The following QSOX2 variants were observed in gnomAD, a reference collection of about 807,000 sequenced individuals.
QSOX2 encodes sulfhydryl oxidase 2.
QSOX2 carries 46 observed loss-of-function variants against 61.7 expected under a neutral mutation model. That is an observed-to-expected ratio of 0.75 (90% CI 0.59 to 0.95). The LOEUF (loss-of-function observed/expected upper bound fraction) is 0.95, where lower values mean the gene tolerates loss of function less well. Ranked by LOEUF, QSOX2 falls within the 40% of genes least tolerant of loss-of-function variation. The pLI, the probability that QSOX2 is intolerant of heterozygous loss-of-function variation, is 0.00. For missense variants in QSOX2, 879 were observed against 918.9 expected (o/e 0.96, Z 0.56); for synonymous variants, 383 against 388.4 (o/e 0.99, Z 0.16).
chr9:136,209,370 C>A lies in QSOX2; in HGVS notation c.1550-95G>T, dbSNP rs1016651166. 5 of 1,539,688 alleles carry A rather than the reference C, an allele frequency of 3.2e-6. No individual in the cohort carries two copies. Among genetic ancestry groups the A allele is most frequent in the Middle Eastern group, 4.2e-4 (2 of 4,790 alleles). ...ACCGGACTCCCACTCCCACCCACCA[C>A]GGGCCTCCACTGCCCTGGCCCAGGG... is the stretch of plus-strand genomic sequence containing the variant. On this transcript the variant is annotated intron_variant, in intron 11 of 11. Coordinates refer to ENST00000358701, the MANE Select transcript of QSOX2 (RefSeq NM_181701.4). This position sits in a 1 kb window ranked among gnomAD's most constrained non-coding sequence, Gnocchi z 5.6.
intron 9 of QSOX2, among the ~76,000 whole-genome samples, chr9:136,215,634 GT>G (rs1831903314): frequency 1.3e-5 from 2 of 152,212 alleles, no homozygotes; most frequent in Admixed American, 6.5e-5. Flanking sequence ...TGTAAGGACA[GT>G]ATTAAGAGAA....
chr9:136,242,086 T>G (rs116554665), intron 1 of QSOX2, among the ~76,000 whole-genome samples: 2,776 of 152,368 alleles, frequency 0.018, 79 homozygotes, highest in African/African-American at 0.062. Context: ...GGTTTTGTTC[T>G]GCAAAGTACT....
At chr9:136,240,122 C>A (rs1461681016) in intron 1 of QSOX2, among the ~76,000 whole-genome samples, 1 of 152,304 alleles carries the variant, frequency 6.6e-6, no homozygotes, top group East Asian at 1.9e-4. Flanking sequence ...GGGTGCCCAA[C>A]CCAGCACAGC....
intron 10 of QSOX2, among the ~76,000 whole-genome samples, chr9:136,214,561 G>T (rs141795575): frequency 8.5e-5 from 13 of 152,214 alleles, no homozygotes; most frequent in Admixed American, 8.5e-4. Flanking sequence ...GGCAAGCCAC[G>T]TGCAAGGAGG....
intron 1 of QSOX2, among the ~76,000 whole-genome samples, chr9:136,229,511 T>C (rs1471034950): frequency 6.6e-6 from 1 of 151,926 alleles, no homozygotes; most frequent in Non-Finnish European, 1.5e-5. Flanking sequence ...TCCACACTTT[T>C]TTTAAAAAAA....
chr9:136,225,931 A>AGAGGCAGGCAAGCAAGTGTGC (rs1830276147), intron 2 of QSOX2, among the ~76,000 whole-genome samples: 1 of 152,386 alleles, frequency 6.6e-6, no homozygotes, highest in South Asian at 2.1e-4. Context: ...AATCACACGC[A>AGAGGCAGGCAAGCAAGTGTGC]GAGGCAGGCA....
chr9:136,215,068 C>A, intron 10 of QSOX2, 86 bp downstream of exon 10: 2 of 1,473,898 alleles, frequency 1.4e-6, no homozygotes, highest in South Asian at 2.8e-5. Context: ...GCCTCCCATA[C>A]AGCAGTACAT....
Position 136,208,744 on chromosome 9 carries a change from T to C in QSOX2, c.2081A>G (p.His694Arg). ...CCCGGGCACTCACACGGCCGGGTGGTGGTGCTTGACCTTCCACCGCCTGGA... is the reference window on the plus strand; with the variant it reads ...CCCGGGCACTCACACGGCCGGGTGGCGGTGCTTGACCTTCCACCGCCTGGA... ...VRSRRWKVKH[H>R]HPAV Residue 694 changes from histidine to arginine, a missense_variant, in exon 12 of 12, where the codon CAC becomes CGC. By Grantham distance (29) the His-to-Arg change is conservative (BLOSUM62 0). Coordinates refer to ENST00000358701, the MANE Select transcript of QSOX2 (RefSeq NM_181701.4). The C allele has an allele frequency of 6.2e-7, 1 of 1,608,844 alleles. No homozygotes were observed. Among genetic ancestry groups the C allele is most frequent in the Non-Finnish European group, 8.5e-7 (1 of 1,176,532 alleles).
Position 136,224,852 on chromosome 9 carries a change from T to G in QSOX2, c.478+9A>C, listed in dbSNP as rs1415047164. 1.3e-6 allele frequency: 2 copies of G among 1,572,650 alleles called. No individual in the cohort carries two copies. The highest frequency in any genetic ancestry group is 2.3e-5 in the South Asian group (2 of 88,790). On this transcript the variant is annotated intron_variant, in intron 3 of 11. Coordinates refer to ENST00000358701, the MANE Select transcript of QSOX2 (RefSeq NM_181701.4). The stretch of plus-strand genomic sequence containing the variant: ...CTCAGGGACTAAAATACAATGCTTA[T>G]GTCCTTACCTTTAAAATTTTCTCCA...
chr9:136,232,917 C>CAA (rs60814748), intron 1 of QSOX2, among the ~76,000 whole-genome samples: 570 of 45,092 alleles, frequency 0.013, 9 homozygotes, highest in African/African-American at 0.017. Context: ...GAACCTGTCT[C>CAA]AAAAAAAAAA....
rs1253911329 is a variant in QSOX2 at position 136,206,378 on chromosome 9, TTTAC to T, written c.*2346_*2349del. 1.3e-5 allele frequency: 2 copies of T among 152,782 alleles called. No individual in the cohort carries two copies. The highest frequency in any genetic ancestry group is 2.4e-5 in the African/African-American group (1 of 41,576). 9.5% of individuals were successfully genotyped at this position (152,782 alleles called of 1,614,324 possible). ...CTTTATTAAAATGTGCACATTATAGTTTACTTAAATACAAAATGTTCACTTTCCT... is the reference window on the plus strand; with the variant it reads ...CTTTATTAAAATGTGCACATTATAGTTTAAATACAAAATGTTCACTTTCCT... On this transcript the variant is annotated 3_prime_UTR_variant, in exon 12 of 12. Coordinates refer to ENST00000358701, the MANE Select transcript of QSOX2 (RefSeq NM_181701.4).
At chr9:136,229,525 A>G (rs886768070) in intron 1 of QSOX2, among the ~76,000 whole-genome samples, 10 of 152,200 alleles carry the variant, frequency 6.6e-5, no homozygotes, top group Non-Finnish European at 1.3e-4. Flanking sequence ...AAAAAAAAGC[A>G]CCTTTGTGCC....
rs1426130917 is a variant in QSOX2, at chr9:136,213,241, GTGT to G, written c.1361-1792_1361-1790del. On this transcript the variant is annotated intron_variant, in intron 10 of 11. Transcript: ENST00000358701. ...CTCACGCTTCAGAAGCAGTTTTGTT[GTGT>G]TTTTTTTTTTTTTTTTTTTTTGAGA... Among the ~76,000 whole-genome samples, 54 of 119,270 alleles carry G rather than the reference GTGT, an allele frequency of 4.5e-4. No individual in the cohort carries two copies. In the East Asian group the frequency reaches 0.011, roughly 25 times the overall value. The allele number at this position is 119,270 out of a possible 152,430, so 78.2% of individuals were successfully genotyped here. A position where few individuals can be genotyped will look rare whatever the true frequency, so the allele number is the denominator to read the frequency against.
intron 1 of QSOX2, among the ~76,000 whole-genome samples, chr9:136,229,026 A>G (rs559702841): frequency 6.6e-6 from 1 of 152,264 alleles, no homozygotes; most frequent in South Asian, 2.1e-4. Context: ...TCAGATTGCT[A>G]TTTTTCTACA....
rs769799230 is a variant in QSOX2 at position 136,221,864 on chromosome 9, T to G, written c.753A>C (p.Lys251Asn). Residue 251 changes from lysine to asparagine, a missense_variant, in exon 6 of 12, where the codon AAA (lysine) becomes AAC (asparagine). By Grantham distance (94) the Lys-to-Asn change is moderately conservative (BLOSUM62 0). Transcript: ENST00000358701. The surrounding 1 kb of genome is among the most constrained non-coding windows in gnomAD (Gnocchi z 4.5). ...ALDGDKAFLE[K>N]LGVSSVPSCY... is the part of the protein sequence containing the mutation. ...ACGAAGGGACTGAAGAAACACCAAG[T>G]TTCTCCAGAAATGCTTTGTCCCCGT... is the stretch of plus-strand genomic sequence containing the variant. 9.3e-6 allele frequency: 15 copies of G among 1,612,836 alleles called. No homozygotes were observed. In the Admixed American group the frequency reaches 1.2e-4, roughly 13 times the overall value.
At chr9:136,245,431 G>T in intron 1 of QSOX2, 45 bp downstream of exon 1, 2 of 1,518,540 alleles carry the variant, frequency 1.3e-6, no homozygotes, top group Non-Finnish European at 1.8e-6. Context: ...CCGGAAGGCC[G>T]CGGTCCCGGG....
chr9:136,234,189 G>A (rs1040565614), intron 1 of QSOX2, among the ~76,000 whole-genome samples: 10 of 152,258 alleles, frequency 6.6e-5, no homozygotes, highest in Non-Finnish European at 1.2e-4. Context: ...TCTTTTGTGC[G>A]ACGATCTTCT....
At position 136,215,409 on chromosome 9, in the gene QSOX2, G is replaced by A. The variant is rs1271492050; in HGVS notation, c.1210-105C>T. The A allele has an allele frequency of 2.2e-5, 15 of 688,272 alleles. 2 individuals are homozygous for A. In the East Asian group the frequency reaches 7.0e-4, roughly 32 times the overall value. 42.6% of individuals were successfully genotyped at this position (688,272 alleles called of 1,614,324 possible). On this transcript the variant is annotated intron_variant, in intron 9 of 11. Transcript: ENST00000358701. Reference sequence around the variant, plus strand: ...TGACTGGGGGGGGTGGATAATGGGGGTGTGGTTTACTGAAGCTGTATCAAC... The same window carrying A: ...TGACTGGGGGGGGTGGATAATGGGGATGTGGTTTACTGAAGCTGTATCAAC...
rs537596006 is a variant in QSOX2, at chr9:136,234,249, A to C, written c.329-7375T>G. 3.3e-5 allele frequency among the ~76,000 whole-genome samples: 5 copies of C among 152,348 alleles called. No individual in the cohort carries two copies. The South Asian group carries it at 1.0e-3, about 32-fold the overall frequency. On this transcript the variant is annotated intron_variant, in intron 1 of 11. Transcript: ENST00000358701. The stretch of plus-strand genomic sequence containing the variant: ...CAGTACGGAACACGTGTAACACACA[A>C]AGTTTGTGTCAATCGACCGTTTGTC...
Sources: allele counts gnomAD v4.1 joint callset (sites outside exome capture counted in the v4.1 genomes callset), GRCh38; gene constraint gnomAD v4.1.1; non-coding constraint Gnocchi (gnomAD v3.1); transcripts MANE v1.5; gene names NCBI Gene and HGNC (gene_info 2026-07-23, HGNC 2026-07-21).